The following CSMD1 variants were observed in gnomAD, a reference collection of about 807,000 sequenced individuals.
The protein encoded by CSMD1 is CUB and Sushi multiple domains 1, also known as CUB and sushi domain-containing protein 1.
A neutral mutation model predicts 417.5 loss-of-function variants in CSMD1; 213 were observed. The ratio of observed to expected loss-of-function variants is 0.51; its 90% CI spans 0.46 to 0.57. The LOEUF (loss-of-function observed/expected upper bound fraction) is 0.57. CSMD1 is among the 20% of genes least tolerant of loss of function. The probability of loss-of-function intolerance (pLI) is 0.00; values close to 1 mark genes in which losing one functional copy is unlikely to be tolerated. For missense variants in CSMD1, 6,923 were observed against 4,529.7 expected (o/e 1.53, Z -15.17); for synonymous variants, 2,862 against 1,736.8 (o/e 1.65, Z -16.11).
chr8:3,502,803 C>T (rs919830096), intron 10 of CSMD1, among the ~76,000 whole-genome samples: 1 of 152,148 alleles, frequency 6.6e-6, no homozygotes, highest in African/African-American at 2.4e-5. Context: ...TATACAGTTG[C>T]CCAAATCCAC....
chr8:4,251,620 A>T (rs1278231763), intron 3 of CSMD1, among the ~76,000 whole-genome samples: 1 of 152,194 alleles, frequency 6.6e-6, no homozygotes, highest in African/African-American at 2.4e-5. Flanking sequence ...ATGTCTGGAT[A>T]TTACACACTG....
intron 50 of CSMD1, among the ~76,000 whole-genome samples, chr8:3,036,890 T>G (rs1445759246): frequency 1.3e-5 from 2 of 151,988 alleles, no homozygotes; most frequent in Non-Finnish European, 2.9e-5. Context: ...TATCTAGGGG[T>G]GATTTCTGGG....
At chr8:3,208,436 T>C (rs940271838) in intron 30 of CSMD1, among the ~76,000 whole-genome samples, 2 of 152,016 alleles carry the variant, frequency 1.3e-5, no homozygotes, top group Non-Finnish European at 2.9e-5. Flanking sequence ...ACAGCTAATT[T>C]TTGTATTTTT....
intron 3 of CSMD1, among the ~76,000 whole-genome samples, chr8:4,195,585 G>A (rs1263288326): frequency 6.6e-6 from 1 of 152,132 alleles, no homozygotes. Context: ...GGTGAGCGTT[G>A]TCACTGTCAT....
chr8:3,970,284 A>T (rs570944828), intron 5 of CSMD1, among the ~76,000 whole-genome samples: 4 of 152,332 alleles, frequency 2.6e-5, no homozygotes, highest in African/African-American at 9.6e-5. Context: ...AAGCCTTTGA[A>T]ACAGTCTTTC....
intron 27 of CSMD1, among the ~76,000 whole-genome samples, chr8:3,225,772 G>C (rs934794665): frequency 6.6e-6 from 1 of 152,194 alleles, no homozygotes; most frequent in Admixed American, 6.5e-5. Context: ...GAATTAAGGA[G>C]TGCTGCCTGG....
chr8:4,484,980 CAAAAAAAAAAAAAAAAAAAAAAAA>C (rs57398278), intron 2 of CSMD1, among the ~76,000 whole-genome samples: 8 of 53,918 alleles, frequency 1.5e-4, no homozygotes, highest in Non-Finnish European at 2.2e-4. Context: ...GACTCTGCCT[CAAAAAAAAAAAAAAAAAAAAAAAA>C]AAAAAAAAAA....
chr8:3,345,266 C>G (rs1383819859), intron 22 of CSMD1, among the ~76,000 whole-genome samples: 2 of 152,122 alleles, frequency 1.3e-5, no homozygotes, highest in Non-Finnish European at 2.9e-5. Context: ...GCACCTTGCT[C>G]CCAGTGGCTT....
At chr8:4,958,433 G>A (rs1472874221) in intron 1 of CSMD1, among the ~76,000 whole-genome samples, 4 of 152,132 alleles carry the variant, frequency 2.6e-5, no homozygotes, top group African/African-American at 7.2e-5. Context: ...AATAAAGGTA[G>A]ATGAAGGTTA....
intron 2 of CSMD1, among the ~76,000 whole-genome samples, chr8:4,545,909 A>G (rs1209176418): frequency 7.2e-5 from 11 of 151,992 alleles, no homozygotes; most frequent in Admixed American, 7.2e-4. Context: ...TCTTTTCTCC[A>G]TCATCTAATC....
intron 1 of CSMD1, among the ~76,000 whole-genome samples, chr8:4,840,280 G>C (rs1012459015): frequency 3.3e-5 from 5 of 152,232 alleles, no homozygotes; most frequent in East Asian, 1.9e-4. Context: ...CCTGCTTTAA[G>C]ATGTTTTGCT....
At chr8:3,037,909 T>G (rs562993567) in intron 50 of CSMD1, among the ~76,000 whole-genome samples, 7 of 152,176 alleles carry the variant, frequency 4.6e-5, no homozygotes, top group Non-Finnish European at 8.8e-5. Flanking sequence ...TTCATAACAC[T>G]GTCATATTCT....
At chr8:3,862,293 A>G (rs542773325) in intron 5 of CSMD1, among the ~76,000 whole-genome samples, 1 of 152,266 alleles carries the variant, frequency 6.6e-6, no homozygotes, top group African/African-American at 2.4e-5. Flanking sequence ...CTTAGAACGA[A>G]TTTACATTCT....
chr8:4,955,364 T>A (rs1302053468), intron 1 of CSMD1, among the ~76,000 whole-genome samples: 1 of 152,174 alleles, frequency 6.6e-6, no homozygotes, highest in Non-Finnish European at 1.5e-5. Flanking sequence ...TATGACTTTT[T>A]ATTATGATTG....
chr8:4,991,602 G>C lies in CSMD1; in HGVS notation c.85+2730C>G, dbSNP rs188692348. Among the ~76,000 whole-genome samples the C allele has an allele frequency of 3.9e-3, 588 of 152,234 alleles. 1 individual carries two copies. Among genetic ancestry groups the C allele is most frequent in the Non-Finnish European group, 5.9e-3 (404 of 67,990 alleles). On this transcript the variant is annotated intron_variant, in intron 1 of 69. Coordinates refer to ENST00000635120, the MANE Select transcript of CSMD1 (RefSeq NM_033225.6). ...TGGCCGGGCGCCCTCCTGCCGGAGCGCTCCTCCCCGGGAAAGCCCTGCTGC... is the reference window on the plus strand; with the variant it reads ...TGGCCGGGCGCCCTCCTGCCGGAGCCCTCCTCCCCGGGAAAGCCCTGCTGC...
At chr8:4,755,997 G>C (rs1432629275) in intron 1 of CSMD1, among the ~76,000 whole-genome samples, 4 of 152,154 alleles carry the variant, frequency 2.6e-5, no homozygotes, top group East Asian at 1.9e-4. Flanking sequence ...TATTTAGTAT[G>C]TGTGAGTATT....
intron 23 of CSMD1, among the ~76,000 whole-genome samples, chr8:3,321,215 G>C (rs539165607): frequency 6.6e-6 from 1 of 152,060 alleles, no homozygotes; most frequent in East Asian, 1.9e-4. Flanking sequence ...CTGCACACAA[G>C]ATTGCTGTTG....
intron 1 of CSMD1, among the ~76,000 whole-genome samples, chr8:4,945,829 C>G (rs1272040794): frequency 6.6e-6 from 1 of 152,064 alleles, no homozygotes; most frequent in Non-Finnish European, 1.5e-5. Flanking sequence ...TTTGGAGAGT[C>G]CAAGGTCACG....
At chr8:3,678,432 T>C (rs973734932) in intron 7 of CSMD1, among the ~76,000 whole-genome samples, 1 of 152,074 alleles carries the variant, frequency 6.6e-6, no homozygotes, top group African/African-American at 2.4e-5. Context: ...GAAGAAAGGG[T>C]ATCAGTGACT....
Sources: allele counts gnomAD v4.1 joint callset (sites outside exome capture counted in the v4.1 genomes callset), GRCh38; gene constraint gnomAD v4.1.1; transcripts MANE v1.5; gene names NCBI Gene and HGNC (gene_info 2026-07-23, HGNC 2026-07-21).